The following CDKL1 variants were observed in gnomAD, a reference collection of about 807,000 sequenced individuals.
CDKL1 encodes cyclin-dependent kinase-like 1.
A neutral mutation model predicts 42.0 loss-of-function variants in CDKL1; 41 were observed. The ratio of observed to expected loss-of-function variants is 0.98; its 90% confidence interval spans 0.76 to 1.27. The LOEUF (loss-of-function observed/expected upper bound fraction) is 1.27, where lower values mean the gene tolerates loss of function less well. Among genes scored for constraint, CDKL1 ranks in the 50% most tolerant of loss-of-function variants. The probability of loss-of-function intolerance (pLI) is 0.00; values close to 1 mark genes in which losing one functional copy is unlikely to be tolerated. For missense variants in CDKL1, 394 were observed against 428.4 expected (o/e 0.92, Z 0.71); for synonymous variants, 153 against 158.6 (o/e 0.96, Z 0.26).
At position 50,329,036 on chromosome 14, in the gene CDKL1, CATATATATATAT is replaced by C. The variant is rs57657571; in HGVS notation, c.*1026_*1037del. The C allele has an allele frequency of 1.0e-4, 14 of 140,582 alleles. No homozygotes were observed. The highest frequency in any genetic ancestry group is 1.8e-4 in the Non-Finnish European group (12 of 65,150). The allele number at this position is 140,582 out of a possible 1,614,324, so 8.7% of individuals were successfully genotyped here. A position where few individuals can be genotyped will look rare whatever the true frequency, so the allele number is the denominator to read the frequency against. On this transcript the variant is annotated 3_prime_UTR_variant, in exon 10 of 10. Transcript: ENST00000395834. ...TGTAATATATTAGTTGTTAGAATAG[CATATATATATAT>C]ATATATATATATATACATACACATA...
At chr14:50,385,783 A>C (rs1363320914) in intron 2 of CDKL1, among the ~76,000 whole-genome samples, 1 of 147,564 alleles carries the variant, frequency 6.8e-6, no homozygotes, top group East Asian at 1.9e-4. Context: ...CAACCTAGGC[A>C]ACAGAGCAAG....
intron 3 of CDKL1, among the ~76,000 whole-genome samples, chr14:50,356,198 T>A (rs1025193830): frequency 6.6e-6 from 1 of 152,174 alleles, no homozygotes. Context: ...AGATCAAATA[T>A]GAAACTGAAA....
At chr14:50,332,519 AC>A in intron 8 of CDKL1, 87 bp from the exon 9 acceptor site, 3 of 1,518,572 alleles carry the variant, frequency 2.0e-6, no homozygotes, top group South Asian at 2.6e-5. Context: ...GAAAGATGAA[AC>A]TTCAGTTGCA....
At chr14:50,388,781 C>T (rs2035162421) in intron 2 of CDKL1, among the ~76,000 whole-genome samples, 1 of 152,124 alleles carries the variant, frequency 6.6e-6, no homozygotes. Context: ...CAAGGTCACT[C>T]CACAGCTTCA....
chr14:50,366,997 G>A (rs996329024), intron 2 of CDKL1, among the ~76,000 whole-genome samples: 1 of 152,214 alleles, frequency 6.6e-6, no homozygotes, highest in African/African-American at 2.4e-5. Flanking sequence ...GTCCGCATGT[G>A]TGTAAGCGAA....
intron 3 of CDKL1, 65 bp from the exon 4 acceptor site, chr14:50,345,123 G>GA (rs1339775315): frequency 4.3e-6 from 6 of 1,380,268 alleles, no homozygotes; most frequent in African/African-American, 1.5e-5. Flanking sequence ...CTCAAGAAAA[G>GA]AAAAAATAAA....
intron 2 of CDKL1, among the ~76,000 whole-genome samples, chr14:50,374,471 T>C (rs1231443223): frequency 6.6e-5 from 10 of 152,182 alleles, no homozygotes; most frequent in Non-Finnish European, 1.5e-4. Context: ...GAACAAAGAC[T>C]GTGACAAAAA....
rs188719944 is a variant in CDKL1, at chr14:50,346,184, C to G, written c.291-1126G>C. On this transcript the variant is annotated intron_variant, in intron 3 of 9. Transcript: ENST00000395834. ...AAGGCCACTGTTGTCACAGGCCAGA[C>G]GTTCAGGAAATCCTTTCAAGCAGAT... 1.8e-4 allele frequency among the ~76,000 whole-genome samples: 27 copies of G among 152,072 alleles called. No individual in the cohort carries two copies. The East Asian group carries it at 4.3e-3, about 24-fold the overall frequency.
At position 50,359,070 on chromosome 14, in the gene CDKL1, C is replaced by T; in HGVS notation, c.248G>A (p.Cys83Tyr). The T allele has an allele frequency of 6.2e-7, 1 of 1,613,154 alleles. No homozygotes were observed. Among genetic ancestry groups the T allele is most frequent in the South Asian group, 1.1e-5 (1 of 91,052 alleles). Reference sequence around the variant, plus strand: ...CAACTCATGGAGAACTGTGTGGTCACAATATTCAAACACCAGGTGAAGCCT... The same window carrying T: ...CAACTCATGGAGAACTGTGTGGTCATAATATTCAAACACCAGGTGAAGCCT... ...KRRLHLVFEY[C>Y]DHTVLHELDR... The change falls in exon 3 of 10, where the codon TGT becomes TAT. Residue 83 changes from cysteine (C) to tyrosine (Y), a missense_variant. Physicochemically the swap from Cys to Tyr is radical, Grantham distance 194. Transcript: ENST00000395834.
intron 3 of CDKL1, among the ~76,000 whole-genome samples, chr14:50,349,886 A>G (rs2033846286): frequency 6.6e-6 from 1 of 152,084 alleles, no homozygotes. Context: ...CTCCTGCCTC[A>G]GCCGCCCAAG....
chr14:50,345,012 C>T lies in CDKL1; in HGVS notation c.337G>A (p.Ala113Thr). ...VKSITWQTLQ[A>T]VNFCHKHNCI... ...TTGTGTTTATGGCAAAAATTTACAG[C>T]TTGCAGTGTCTGCCAAGTTATGCTC... The change falls in exon 4 of 10, where the codon GCT (alanine) becomes ACT (threonine). Residue 113 changes from alanine (A) to threonine (T), a missense_variant. Physicochemically the swap from Ala to Thr is moderately conservative, Grantham distance 58 (BLOSUM62 0). Coordinates refer to ENST00000395834, the MANE Select transcript of CDKL1 (RefSeq NM_004196.7). 3.1e-6 allele frequency: 5 copies of T among 1,614,050 alleles called. No individual in the cohort carries two copies. The highest frequency in any genetic ancestry group is 4.2e-6 in the Non-Finnish European group (5 of 1,179,992).
chr14:50,342,990 C>T (rs762346756), intron 4 of CDKL1: 10 of 1,355,720 alleles, frequency 7.4e-6, no homozygotes, highest in South Asian at 2.3e-5. Context: ...ATGCGGCCCC[C>T]CCTCCAGAAT....
intron 3 of CDKL1, among the ~76,000 whole-genome samples, chr14:50,345,874 A>T (rs946359610): frequency 8.5e-5 from 13 of 152,192 alleles, no homozygotes; most frequent in African/African-American, 2.4e-4. Flanking sequence ...CAGGGCAACC[A>T]GTAGTTCCAG....
chr14:50,336,082 C>T (rs763503670), intron 7 of CDKL1: 8 of 1,366,076 alleles, frequency 5.9e-6, no homozygotes, highest in African/African-American at 1.5e-5. Flanking sequence ...GCTATATCAT[C>T]GAGCTCTGCT....
chr14:50,332,160 G>T (rs765008365), intron 9 of CDKL1, 102 bp downstream of exon 9: 10 of 1,613,754 alleles, frequency 6.2e-6, no homozygotes, highest in Non-Finnish European at 8.5e-6. Flanking sequence ...TCCTAGTGCT[G>T]GAATGAGGAT....
Position 50,334,568 on chromosome 14 carries a change from TAG to T in CDKL1, c.790_791del (p.Leu264LysfsTer15). The stretch of plus-strand genomic sequence containing the variant: ...TGTTGGAAGCCATGATTTTTACCTT[TAG>T]GAGCCCCAGGGCAGGATAAGAGATG... ...PNISYPALGL[L>X]KGCLHMDPTQ... On this transcript the variant is annotated frameshift_variant, in exon 8 of 10. Coordinates refer to ENST00000395834, the MANE Select transcript of CDKL1 (RefSeq NM_004196.7). LOFTEE classifies it high-confidence loss of function. 6.3e-7 allele frequency: 1 copy of T among 1,588,224 alleles called. No homozygotes were observed. Among genetic ancestry groups the T allele is most frequent in the South Asian group, 1.1e-5 (1 of 90,544 alleles).
intron 2 of CDKL1, among the ~76,000 whole-genome samples, chr14:50,386,836 A>C (rs1210312949): frequency 6.6e-6 from 1 of 150,936 alleles, no homozygotes; most frequent in African/African-American, 2.4e-5. Context: ...CGAGGTCAGG[A>C]GTTTGAGACC....
At chr14:50,343,553 C>T (rs981478662) in intron 4 of CDKL1, among the ~76,000 whole-genome samples, 5 of 152,162 alleles carry the variant, frequency 3.3e-5, no homozygotes, top group African/African-American at 1.2e-4. Context: ...AATGGGTACA[C>T]CATGAATATC....
intron 3 of CDKL1, among the ~76,000 whole-genome samples, chr14:50,354,508 A>G (rs1303284212): frequency 6.6e-6 from 1 of 152,246 alleles, no homozygotes; most frequent in African/African-American, 2.4e-5. Flanking sequence ...CAGAAAAATG[A>G]GGAGAAAACA....
Sources: allele counts gnomAD v4.1 joint callset (sites outside exome capture counted in the v4.1 genomes callset), GRCh38; gene constraint gnomAD v4.1.1; transcripts MANE v1.5; gene names NCBI Gene and HGNC (gene_info 2026-07-23, HGNC 2026-07-21).